Variants in SLC14A2 observed in about 807,000 individuals in gnomAD.
SLC14A2 encodes the protein urea transporter 2.
A neutral mutation model predicts 104.6 loss-of-function variants in SLC14A2; 91 were observed. The observed-to-expected ratio is 0.87, with a 90% CI of 0.73 to 1.04. The LOEUF (loss-of-function observed/expected upper bound fraction) is 1.04. SLC14A2 is among the 50% of genes least tolerant of loss of function. SLC14A2 has a pLI of 0.00. For synonymous variants in SLC14A2, 476 were observed against 466.4 expected (o/e 1.02, Z -0.27); for missense variants, 1,189 against 1,156.0 (o/e 1.03, Z -0.41).
At chr18:45,417,525 GA>G (rs1207791934) in intron 1 of SLC14A2, among the ~76,000 whole-genome samples, 1 of 152,174 alleles carries the variant, frequency 6.6e-6, no homozygotes, top group Non-Finnish European at 1.5e-5. Context: ...AGCAAAGAGG[GA>G]AAAGCTCCTT....
intron 1 of SLC14A2, among the ~76,000 whole-genome samples, chr18:45,466,122 G>A (rs146487500): frequency 0.01 from 1,593 of 152,216 alleles, 17 homozygotes; most frequent in African/African-American, 0.025. Flanking sequence ...AACGAGCCCT[G>A]CAGCCTGATT....
At chr18:45,339,552 GAACACACACACACACA>G (rs570530232) in intron 1 of SLC14A2, among the ~76,000 whole-genome samples, 52 of 152,020 alleles carry the variant, frequency 3.4e-4, no homozygotes, top group Middle Eastern at 6.8e-3. Context: ...AGATTAAAAT[GAACACACACACACACA>G]AACACACACA....
At chr18:45,216,977 T>C (rs919855423) in intron 1 of SLC14A2, among the ~76,000 whole-genome samples, 3 of 152,146 alleles carry the variant, frequency 2.0e-5, no homozygotes, top group Admixed American at 1.3e-4. Flanking sequence ...GGTAATAGTC[T>C]AACATTGAGT....
intron 1 of SLC14A2, among the ~76,000 whole-genome samples, chr18:45,328,918 C>G (rs1465592337): frequency 6.6e-6 from 1 of 152,208 alleles, no homozygotes; most frequent in Non-Finnish European, 1.5e-5. Flanking sequence ...TTTCACATTT[C>G]TCCAGTGAAG....
intron 1 of SLC14A2, among the ~76,000 whole-genome samples, chr18:45,249,955 G>GA (rs974456588): frequency 1.2e-3 from 180 of 146,958 alleles, no homozygotes; most frequent in Middle Eastern, 6.9e-3. Flanking sequence ...TCTCTAAAAA[G>GA]AAAAAAAAAA....
At chr18:45,365,074 G>T (rs1028630123) in intron 1 of SLC14A2, among the ~76,000 whole-genome samples, 1 of 152,128 alleles carries the variant, frequency 6.6e-6, no homozygotes, top group African/African-American at 2.4e-5. Flanking sequence ...GGGAATAGGG[G>T]TCTTCTCCCT....
At chr18:45,431,516 A>G (rs1321193850) in intron 1 of SLC14A2, among the ~76,000 whole-genome samples, 1 of 152,200 alleles carries the variant, frequency 6.6e-6, no homozygotes, top group African/African-American at 2.4e-5. Context: ...TATGCACCCA[A>G]ATAATGTTAG....
At chr18:45,259,828 G>A (rs2084517339) in intron 1 of SLC14A2, among the ~76,000 whole-genome samples, 1 of 152,206 alleles carries the variant, frequency 6.6e-6, no homozygotes, top group Admixed American at 6.5e-5. Flanking sequence ...AGAATATAAA[G>A]GAGTAATCTG....
intron 1 of SLC14A2, among the ~76,000 whole-genome samples, chr18:45,469,154 A>G (rs541015301): frequency 6.6e-6 from 1 of 152,322 alleles, no homozygotes; most frequent in Non-Finnish European, 1.5e-5. Context: ...CAGGATGGCC[A>G]TAGAGATGGT....
At chr18:45,395,554 G>A (rs1440469136) in intron 1 of SLC14A2, among the ~76,000 whole-genome samples, 3 of 151,852 alleles carry the variant, frequency 2.0e-5, no homozygotes, top group South Asian at 4.1e-4. Flanking sequence ...TAATATGTGG[G>A]GTTTTTACCA....
At chr18:45,177,671 T>C in the SLC14A2 span, among the ~76,000 whole-genome samples, 2 of 152,188 alleles carry the variant, frequency 1.3e-5, no homozygotes, top group African/African-American at 4.8e-5. Flanking sequence ...TCCATTACTC[T>C]TTCCCCTCAC....
chr18:45,622,677 AG>A (rs1313314709), intron 1 of SLC14A2, among the ~76,000 whole-genome samples: 5 of 152,126 alleles, frequency 3.3e-5, no homozygotes, highest in African/African-American at 1.2e-4. Flanking sequence ...AGTGTGAAGG[AG>A]CAACCAGAGA....
chr18:45,681,797 A>G (rs1304233179), intron 19 of SLC14A2, among the ~76,000 whole-genome samples: 6 of 152,200 alleles, frequency 3.9e-5, no homozygotes, highest in Admixed American at 1.3e-4. Context: ...TAGTTCAACT[A>G]TTCAAGAGAG....
intron 8 of SLC14A2, 30 bp downstream of exon 8, chr18:45,641,373 T>G (rs1436487295): frequency 6.2e-7 from 1 of 1,612,944 alleles, no homozygotes; most frequent in Non-Finnish European, 8.5e-7. Flanking sequence ...GACAACCAGG[T>G]TATTCTGGCT....
chr18:45,350,997 C>T (rs1453432686), intron 1 of SLC14A2, among the ~76,000 whole-genome samples: 3 of 152,180 alleles, frequency 2.0e-5, no homozygotes, highest in African/African-American at 7.2e-5. Context: ...CCAGAGAAAT[C>T]TCAGCACTCC....
chr18:45,169,484 G>T, the SLC14A2 span, among the ~76,000 whole-genome samples: 1 of 152,286 alleles, frequency 6.6e-6, no homozygotes, highest in Non-Finnish European at 1.5e-5. Context: ...TTCTAAGGTT[G>T]CTTCCACTGG....
At chr18:45,440,868 CCTTAGGT>C (rs1237796451) in intron 1 of SLC14A2, among the ~76,000 whole-genome samples, 1 of 151,890 alleles carries the variant, frequency 6.6e-6, no homozygotes, top group East Asian at 1.9e-4. Context: ...CACTTTGAGT[CCTTAGGT>C]CTCAGTCCAG....
At chr18:45,473,954 C>A (rs2087302555) in intron 1 of SLC14A2, among the ~76,000 whole-genome samples, 1 of 152,132 alleles carries the variant, frequency 6.6e-6, no homozygotes, top group African/African-American at 2.4e-5. Flanking sequence ...TTGTCTTGTG[C>A]CAGTTTTCAA....
intron 18 of SLC14A2, among the ~76,000 whole-genome samples, chr18:45,676,710 T>A (rs1453219670): frequency 1.3e-5 from 2 of 151,606 alleles, no homozygotes; most frequent in Non-Finnish European, 2.9e-5. Flanking sequence ...AAAGTGTCCA[T>A]GGAGCTGGAG....
Sources: allele counts gnomAD v4.1 joint callset (sites outside exome capture counted in the v4.1 genomes callset), GRCh38; gene constraint gnomAD v4.1.1; transcripts MANE v1.5; gene names NCBI Gene and HGNC (gene_info 2026-07-23, HGNC 2026-07-21).